BBS4: variants seen among roughly 807,000 people sequenced by gnomAD.
The protein encoded by BBS4 is BBSome complex member BBS4.
BBS4 carries 58 observed loss-of-function variants against 71.4 expected under a neutral mutation model. That is an observed-to-expected ratio of 0.81 (90% CI 0.66 to 1.01). BBS4 has a LOEUF of 1.01. Among genes scored for constraint, BBS4 ranks in the 50% least tolerant of loss-of-function variants. The pLI, the probability that BBS4 is intolerant of heterozygous loss-of-function variation, is 0.00. For synonymous variants in BBS4, 228 were observed against 216.8 expected (o/e 1.05, Z -0.46); for missense variants, 660 against 607.9 (o/e 1.09, Z -0.90).
intron 12 of BBS4, 111 bp from the exon 13 acceptor site, chr15:72,735,002 A>AT: frequency 1.3e-6 from 1 of 771,218 alleles, no homozygotes; most frequent in Non-Finnish European, 2.3e-6. Flanking sequence ...CTGACTTAGT[A>AT]AACTCTGGTG....
Position 72,738,235 on chromosome 15 carries a change from G to A in BBS4, c.*648G>A, listed in dbSNP as rs1398633994. On this transcript the variant is annotated 3_prime_UTR_variant, in exon 16 of 16. Transcript: ENST00000268057. Reference sequence around the variant, plus strand: ...CAGTCTAGAAGCTAGATCCTATCAGGATGAGGAGCAGCAGCCCAGGGCTTG... The same window carrying A: ...CAGTCTAGAAGCTAGATCCTATCAGAATGAGGAGCAGCAGCCCAGGGCTTG... 1 of 454,006 alleles carries A rather than the reference G, an allele frequency of 2.2e-6. No homozygotes were observed. Among genetic ancestry groups the A allele is most frequent in the Non-Finnish European group, 4.4e-6 (1 of 226,754 alleles). The allele number at this position is 454,006 out of a possible 1,614,324, so 28.1% of individuals were successfully genotyped here.
At chr15:72,714,011 A>ATGC (rs1460286793) in intron 4 of BBS4, among the ~76,000 whole-genome samples, 1 of 152,142 alleles carries the variant, frequency 6.6e-6, no homozygotes, top group African/African-American at 2.4e-5. Flanking sequence ...TTTGGAATGG[A>ATGC]TGCTTAGGAT....
intron 1 of BBS4, among the ~76,000 whole-genome samples, chr15:72,688,803 G>A (rs2064927663): frequency 6.6e-6 from 1 of 152,164 alleles, no homozygotes; most frequent in Non-Finnish European, 1.5e-5. Flanking sequence ...TAGGGCATTC[G>A]TTGTAGTACT....
At chr15:72,697,937 A>G in intron 2 of BBS4, 1 of 455,614 alleles carries the variant, frequency 2.2e-6, no homozygotes, top group Non-Finnish European at 4.4e-6. Flanking sequence ...AGAAAATAAT[A>G]TGCTACATGA....
At chr15:72,730,062 G>T (rs940750281) in intron 10 of BBS4, among the ~76,000 whole-genome samples, 1 of 150,962 alleles carries the variant, frequency 6.6e-6, no homozygotes, top group African/African-American at 2.4e-5. Context: ...AGATCACGAG[G>T]TCAGGAGATC....
At chr15:72,696,160 G>T (rs1403307226) in intron 2 of BBS4, among the ~76,000 whole-genome samples, 1 of 152,156 alleles carries the variant, frequency 6.6e-6, no homozygotes, top group African/African-American at 2.4e-5. Context: ...GTATTTTGAA[G>T]ATCTGTTGTT....
At chr15:72,712,593 A>G (rs888279576) in intron 4 of BBS4, among the ~76,000 whole-genome samples, 2 of 152,234 alleles carry the variant, frequency 1.3e-5, no homozygotes, top group African/African-American at 4.8e-5. Flanking sequence ...CGAATACTGT[A>G]GGCAGTTGTA....
intron 2 of BBS4, among the ~76,000 whole-genome samples, chr15:72,696,263 T>C (rs2065074603): frequency 6.6e-6 from 1 of 152,230 alleles, no homozygotes; most frequent in African/African-American, 2.4e-5. Context: ...ATAATATTCC[T>C]TGTTTGAAGT....
At chr15:72,716,490 T>G (rs1696428700) in intron 5 of BBS4, among the ~76,000 whole-genome samples, 1 of 152,236 alleles carries the variant, frequency 6.6e-6, no homozygotes, top group African/African-American at 2.4e-5. Context: ...TATTTCTTTT[T>G]TGGTCTGCAT....
At chr15:72,712,108 C>T in intron 3 of BBS4, 136 bp from the exon 4 acceptor site, 1 of 716,870 alleles carries the variant, frequency 1.4e-6, no homozygotes, top group Non-Finnish European at 2.5e-6. Context: ...ACCTCATAAT[C>T]TGCCTGCCTT....
Position 72,735,939 on chromosome 15 carries a change from C to CAAT in BBS4, c.1223_1225dup (p.Asn408dup), listed in dbSNP as rs752690768. The CAAT allele has an allele frequency of 1.5e-4, 247 of 1,614,166 alleles. 5 individuals are homozygous for CAAT. The South Asian group carries it at 2.6e-3, about 17-fold the overall frequency. ...AGAAGAAAGTCAGCCTACTCAAGGA[C>CAAT]AATAGCTCTCTGGAATTTGACTCTG... is the stretch of plus-strand genomic sequence containing the variant. On this transcript the variant is annotated inframe_insertion, in exon 14 of 16. Coordinates refer to ENST00000268057, the MANE Select transcript of BBS4 (RefSeq NM_033028.5).
intron 1 of BBS4, among the ~76,000 whole-genome samples, chr15:72,687,743 C>G (rs1595899058): frequency 6.6e-6 from 1 of 151,892 alleles, no homozygotes. Context: ...GCCTGGCCAA[C>G]GTAGTGAAAC....
chr15:72,736,927 A>T lies in BBS4; in HGVS notation c.1414A>T (p.Met472Leu), dbSNP rs2277596. The part of the protein sequence containing the change: ...LGSNQALGQA[M>L]SSAAAYRTLP... ...CTCTAATCAAGCTCTAGGACAGGCAATGTCTTCAGCAGCTGCATACAGGAC... is the reference window on the plus strand; with the variant it reads ...CTCTAATCAAGCTCTAGGACAGGCATTGTCTTCAGCAGCTGCATACAGGAC... The change falls in exon 15 of 16, where the codon ATG becomes TTG. Residue 472 changes from methionine (M) to leucine (L), a missense_variant. Met to Leu is a conservative substitution (Grantham distance 15). Transcript: ENST00000268057. The T allele has an allele frequency of 1.2e-6, 2 of 1,614,200 alleles. No individual in the cohort carries two copies. Among genetic ancestry groups the T allele is most frequent in the East Asian group, 2.2e-5 (1 of 44,886 alleles).
At chr15:72,712,138 A>T (rs2065383873) in intron 3 of BBS4, 106 bp from the exon 4 acceptor site, 3 of 1,001,226 alleles carry the variant, frequency 3.0e-6, no homozygotes, top group Non-Finnish European at 4.6e-6. Context: ...AAGTTTTGGG[A>T]TTACAAGCAT....
At chr15:72,722,943 G>C in intron 7 of BBS4, 96 bp downstream of exon 7, 3 of 1,113,214 alleles carry the variant, frequency 2.7e-6, no homozygotes, top group South Asian at 1.3e-5. Context: ...TGCTTGCAGA[G>C]GTTTTTGGAA....
At position 72,724,669 on chromosome 15, in the gene BBS4, T is replaced by C. The variant is rs1422783190; in HGVS notation, c.587+14T>C. ...GAAAGCAGTGGAGTAAGTGTATCTG[T>C]TTCCTTTAAAACAGTGAGAAACTAA... is the stretch of plus-strand genomic sequence containing the variant. On this transcript the variant is annotated intron_variant, in intron 8 of 15. Coordinates refer to ENST00000268057, the MANE Select transcript of BBS4 (RefSeq NM_033028.5). 1.2e-6 allele frequency: 2 copies of C among 1,613,746 alleles called. No homozygotes were observed. Among genetic ancestry groups the C allele is most frequent in the Admixed American group, 3.3e-5 (2 of 60,014 alleles).
At chr15:72,736,232 A>G (rs1230505396) in intron 14 of BBS4, among the ~76,000 whole-genome samples, 5 of 126,854 alleles carry the variant, frequency 3.9e-5, no homozygotes, top group Admixed American at 3.2e-4. Flanking sequence ...GCTTCCTTCT[A>G]TTTCACTTTT....
At chr15:72,700,262 T>G (rs1314984375) in intron 2 of BBS4, among the ~76,000 whole-genome samples, 2 of 152,210 alleles carry the variant, frequency 1.3e-5, no homozygotes, top group African/African-American at 2.4e-5. Context: ...CTGGTTTTTT[T>G]TGTGTGTGCA....
chr15:72,687,124 C>CTTTTT lies in BBS4; in HGVS notation c.24+879_24+883dup, dbSNP rs1458417621. ...AATTAGAAAACTCTGAAGACAGAAA[C>CTTTTT]TTTTTTTTTTGAGACGGAGTGTCGC... On this transcript the variant is annotated intron_variant, in intron 1 of 15. Coordinates refer to ENST00000268057, the MANE Select transcript of BBS4 (RefSeq NM_033028.5). Among the ~76,000 whole-genome samples, 9 of 76,240 alleles carry CTTTTT rather than the reference C, an allele frequency of 1.2e-4. 1 individual carries two copies. The highest frequency in any genetic ancestry group is 6.7e-4 in the Admixed American group (3 of 4,456). The allele number at this position is 76,240 out of a possible 152,430, so 50.0% of individuals were successfully genotyped here.
Sources: allele counts gnomAD v4.1 joint callset (sites outside exome capture counted in the v4.1 genomes callset), GRCh38; gene constraint gnomAD v4.1.1; transcripts MANE v1.5; gene names NCBI Gene and HGNC (gene_info 2026-07-23, HGNC 2026-07-21).